TJP2: variants seen among roughly 807,000 people sequenced by gnomAD.
TJP2 encodes Friedreich ataxia region gene X104 (tight junction protein ZO-2).
TJP2 carries 91 observed loss-of-function variants against 133.1 expected under a neutral mutation model. The ratio of observed to expected loss-of-function variants is 0.68; its 90% CI spans 0.58 to 0.81. TJP2 has a LOEUF of 0.81. TJP2 is among the 40% of genes least tolerant of loss of function. The pLI is 0.00. For missense variants in TJP2, 1,541 were observed against 1,565.6 expected (o/e 0.98, Z 0.26); for synonymous variants, 592 against 583.4 (o/e 1.01, Z -0.21).
chr9:69,230,070 A>C lies in TJP2; in HGVS notation c.1521-12A>C. On this transcript the variant is annotated splice_polypyrimidine_tract_variant and intron_variant, in intron 10 of 22. Transcript: ENST00000377245. Reference sequence around the variant, plus strand: ...CTCCCATCTTTCCTTTCTGAAACGGAACCTATTGCAGCCCTAATACCAAAA... The same window carrying C: ...CTCCCATCTTTCCTTTCTGAAACGGCACCTATTGCAGCCCTAATACCAAAA... 2 of 1,614,114 alleles carry C rather than the reference A, an allele frequency of 1.2e-6. No homozygotes were observed. The highest frequency in any genetic ancestry group is 1.7e-6 in the Non-Finnish European group (2 of 1,179,982).
Position 69,254,581 on chromosome 9 carries a change from T to C in TJP2, c.*207T>C, listed in dbSNP as rs1217772303. 2 of 651,922 alleles carry C rather than the reference T, an allele frequency of 3.1e-6. No homozygotes were observed. Among genetic ancestry groups the C allele is most frequent in the Non-Finnish European group, 5.4e-6 (2 of 371,932 alleles). 40.4% of individuals were successfully genotyped at this position (651,922 alleles called of 1,614,324 possible). On this transcript the variant is annotated 3_prime_UTR_variant, in exon 23 of 23. Transcript: ENST00000377245. ...TGTTTGTGGGACTGGGTTAGAGGAG[T>C]CTGTGGCTTTTTGTTCAGAATTAAG...
chr9:69,226,554 A>G (rs573711680), intron 7 of TJP2, among the ~76,000 whole-genome samples: 1 of 152,236 alleles, frequency 6.6e-6, no homozygotes, highest in South Asian at 2.1e-4. Flanking sequence ...GCTGGAGTGC[A>G]GTGGTACAAT....
intron 18 of TJP2, 58 bp downstream of exon 18, chr9:69,246,848 A>C: frequency 2.0e-5 from 29 of 1,444,796 alleles, no homozygotes; most frequent in Non-Finnish European, 2.4e-5. Flanking sequence ...AACTTTTCTC[A>C]AGAGGGCAGT....
intron 1 of TJP2, among the ~76,000 whole-genome samples, chr9:69,209,751 CA>C (rs377576927): frequency 2.3e-4 from 32 of 136,238 alleles, no homozygotes; most frequent in African/African-American, 4.0e-4. Context: ...AACTCCATCT[CA>C]AAAAAAAAAA....
At chr9:69,135,099 A>G (rs761808363) in intron 1 of TJP2, among the ~76,000 whole-genome samples, 7 of 152,048 alleles carry the variant, frequency 4.6e-5, no homozygotes, top group Admixed American at 6.6e-5. Context: ...CAAAAGTCCT[A>G]TCTCCAAATA....
intron 12 of TJP2, among the ~76,000 whole-genome samples, chr9:69,235,139 T>TA (rs1213362792): frequency 1.3e-5 from 2 of 152,074 alleles, no homozygotes; most frequent in African/African-American, 4.8e-5. Context: ...ATGGGCAAGA[T>TA]AGAGACTCAG....
chr9:69,180,471 C>T (rs894916153), intron 1 of TJP2, among the ~76,000 whole-genome samples: 1 of 152,022 alleles, frequency 6.6e-6, no homozygotes, highest in Non-Finnish European at 1.5e-5. Context: ...CCATTTTTTT[C>T]CATTTGTTGA....
intron 1 of TJP2, among the ~76,000 whole-genome samples, chr9:69,131,101 T>G (rs1247189929): frequency 6.6e-6 from 1 of 152,172 alleles, no homozygotes; most frequent in East Asian, 1.9e-4. Flanking sequence ...CATGACTAAG[T>G]TCTCTCCCTC....
At position 69,229,254 on chromosome 9, in the gene TJP2, T is replaced by C; in HGVS notation, c.1520+4T>C. 1 of 1,613,270 alleles carries C rather than the reference T, an allele frequency of 6.2e-7. No homozygotes were observed. The highest frequency in any genetic ancestry group is 2.2e-5 in the East Asian group (1 of 44,856). ...CTGAAGATGAAGCAATATATGGGTA[T>C]GTATTTCCGTCTCTCTTTGTTTTCC... On this transcript the variant is annotated splice_donor_region_variant and intron_variant, in intron 10 of 22. Transcript: ENST00000377245.
At chr9:69,203,466 T>G (rs1439526538) in intron 1 of TJP2, among the ~76,000 whole-genome samples, 3 of 151,548 alleles carry the variant, frequency 2.0e-5, no homozygotes, top group Non-Finnish European at 4.4e-5. Context: ...CATGCCCGGA[T>G]TTTTTGTGTG....
Position 69,248,140 on chromosome 9 carries a change from C to T in TJP2, c.2796C>T (p.Tyr932=). Residue 932 remains tyrosine (Y), a synonymous_variant, in exon 19 of 23, where the codon TAC becomes TAT. Transcript: ENST00000377245. ...FEDTDGEGGA[Y]TDNELDEPAE... The stretch of plus-strand genomic sequence containing the variant: ...ACACGGACGGTGAAGGAGGCGCCTA[C>T]ACTGACAATGAGCTGGATGAGCCAG... The T allele has an allele frequency of 6.2e-7, 1 of 1,614,214 alleles. No homozygotes were observed. The highest frequency in any genetic ancestry group is 8.5e-7 in the Non-Finnish European group (1 of 1,180,032).
intron 1 of TJP2, among the ~76,000 whole-genome samples, chr9:69,137,891 C>G (rs1340620351): frequency 6.6e-6 from 1 of 152,140 alleles, no homozygotes; most frequent in Non-Finnish European, 1.5e-5. Context: ...TTCCTCTCTC[C>G]AGAAGACTTT....
At chr9:69,160,126 G>T (rs1045055259) in intron 2 of TJP2, among the ~76,000 whole-genome samples, 2 of 151,982 alleles carry the variant, frequency 1.3e-5, no homozygotes, top group Non-Finnish European at 2.9e-5. Context: ...AAAAATAATA[G>T]AAAAACACTC....
At chr9:69,217,891 TG>T (rs1828511118) in intron 3 of TJP2, among the ~76,000 whole-genome samples, 1 of 152,044 alleles carries the variant, frequency 6.6e-6, no homozygotes, top group South Asian at 2.1e-4. Context: ...TTGGAAGGAG[TG>T]TTTTTAGACT....
Position 69,189,723 on chromosome 9 carries a change from C to T in TJP2, c.60+15291C>T, listed in dbSNP as rs192247254. Among the ~76,000 whole-genome samples the T allele has an allele frequency of 1.6e-4, 16 of 98,662 alleles. 5 individuals carry two copies. In the East Asian group the frequency reaches 4.0e-3, roughly 25 times the overall value. The allele number at this position is 98,662 out of a possible 152,430, so 64.7% of individuals were successfully genotyped here. ...ATTTTTGGTTCTAACTCAGTTGTGA[C>T]AAACGGTGGATATATGGTTCTGACC... is the stretch of plus-strand genomic sequence containing the variant. On this transcript the variant is annotated intron_variant, in intron 1 of 22. Coordinates refer to ENST00000377245, the MANE Select transcript of TJP2 (RefSeq NM_004817.4).
intron 21 of TJP2, among the ~76,000 whole-genome samples, chr9:69,251,689 A>T (rs1831344003): frequency 6.6e-6 from 1 of 152,090 alleles, no homozygotes; most frequent in African/African-American, 2.4e-5. Context: ...TTTTTCTTAA[A>T]CGTGTCTTCA....
chr9:69,158,463 C>T (rs1201216247), intron 2 of TJP2, among the ~76,000 whole-genome samples: 1 of 152,012 alleles, frequency 6.6e-6, no homozygotes, highest in Non-Finnish European at 1.5e-5. Context: ...ACACTTTCTC[C>T]TCTACCTATG....
intron 1 of TJP2, among the ~76,000 whole-genome samples, chr9:69,122,942 G>A (rs1444211684): frequency 6.6e-6 from 1 of 152,114 alleles, no homozygotes; most frequent in African/African-American, 2.4e-5. Flanking sequence ...TTGCTGATAG[G>A]GTGACATTCT....
intron 7 of TJP2, among the ~76,000 whole-genome samples, chr9:69,227,350 A>G (rs1423090181): frequency 6.6e-6 from 1 of 152,152 alleles, no homozygotes; most frequent in Non-Finnish European, 1.5e-5. Context: ...ATAATCAGGT[A>G]ACTGGATAGA....
Sources: allele counts gnomAD v4.1 joint callset (sites outside exome capture counted in the v4.1 genomes callset), GRCh38; gene constraint gnomAD v4.1.1; transcripts MANE v1.5; gene names NCBI Gene and HGNC (gene_info 2026-07-23, HGNC 2026-07-21).